KLF11: variants seen among roughly 807,000 people sequenced by gnomAD.
KLF11 encodes the protein Krueppel-like factor 11.
In KLF11, 26 loss-of-function variants were observed where a neutral mutation model predicts 29.9. The ratio of observed to expected loss-of-function variants is 0.87; its 90% CI spans 0.64 to 1.21. The LOEUF is 1.21. KLF11 is among the 50% of genes most tolerant of loss of function. The probability of loss-of-function intolerance (pLI) is 0.00; values close to 1 mark genes in which losing one functional copy is unlikely to be tolerated. For missense variants in KLF11, 778 were observed against 665.7 expected (o/e 1.17, Z -1.86); for synonymous variants, 318 against 257.4 (o/e 1.24, Z -2.25).
intron 2 of KLF11, among the ~76,000 whole-genome samples, chr2:10,046,818 G>A (rs997542380): frequency 2.6e-5 from 4 of 152,278 alleles, no homozygotes; most frequent in African/African-American, 7.2e-5. Context: ...TCGTGCCACT[G>A]CACTCCAGCC....
chr2:10,046,326 G>T lies in KLF11; in HGVS notation c.219G>T (p.Thr73=), dbSNP rs373935239. The T allele has an allele frequency of 3.1e-6, 5 of 1,614,170 alleles. No individual in the cohort carries two copies. The highest frequency in any genetic ancestry group is 1.6e-4 in the Middle Eastern group (1 of 6,062). ...ACCTGTTGCGGATAAGACCCCTCAC[G>T]CCTGTCTCTGACTCTGGGGATGTCA... ...KGDLLRIRPL[T]PVSDSGDVTT... is the part of the protein sequence containing the mutation. The change falls in exon 2 of 4, where the codon ACG becomes ACT. Residue 73 remains threonine, a synonymous_variant. Coordinates refer to ENST00000305883, the MANE Select transcript of KLF11 (RefSeq NM_003597.5).
chr2:10,052,301 C>T lies in KLF11; in HGVS notation c.1333C>T (p.Arg445Cys), dbSNP rs772681985. The T allele has an allele frequency of 3.0e-5, 48 of 1,614,018 alleles. No homozygotes were observed. The highest frequency in any genetic ancestry group is 3.9e-5 in the Non-Finnish European group (46 of 1,180,034). Residue 445 changes from arginine (R) to cysteine (C), a missense_variant, in exon 4 of 4, where the codon CGC becomes TGC. By Grantham distance (180) the Arg-to-Cys change is radical (BLOSUM62 -3). Coordinates refer to ENST00000305883, the MANE Select transcript of KLF11 (RefSeq NM_003597.5). ...TCGTTCGGATGAGCTGTCACGCCAC[C>T]GCAGAACTCACACAGGGGAGAAGAA... ...FARSDELSRH[R>C]RTHTGEKKFV... is the part of the protein sequence containing the mutation.
Position 10,046,218 on chromosome 2 carries a change from C to G in KLF11, c.111C>G (p.Cys37Trp), listed in dbSNP as rs1572437709. The change falls in exon 2 of 4, where the codon TGC becomes TGG. Residue 37 changes from cysteine (C) to tryptophan (W), a missense_variant. Cys to Trp is a radical substitution (Grantham distance 215). Coordinates refer to ENST00000305883, the MANE Select transcript of KLF11 (RefSeq NM_003597.5). Reference protein sequence around the residue: ...RKRHDSERSTCSILEQTDMEA... With the variant: ...RKRHDSERSTWSILEQTDMEA... ...GGCATGACAGCGAAAGGTCTACTTG[C>G]AGCATCTTGGAGCAGACAGACATGG... The G allele has an allele frequency of 6.2e-7, 1 of 1,614,200 alleles. No homozygotes were observed. Among genetic ancestry groups the G allele is most frequent in the Non-Finnish European group, 8.5e-7 (1 of 1,180,024 alleles).
chr2:10,043,917 GC>G, intron 1 of KLF11, 159 bp downstream of exon 1: 1 of 1,029,248 alleles, frequency 9.7e-7, no homozygotes, highest in Non-Finnish European at 1.2e-6. Context: ...CCGGAGCCGG[GC>G]GGGGCGGCGG....
rs1661263349 is a variant in KLF11, at chr2:10,047,832, C to T, written c.495C>T (p.Ser165=). ...TGCTGGGTTTGGAGCCAGTGCCCAG[C>T]TCTCCCTGCAGGGCCAAGGGGACTA... ...RGLLGLEPVP[S]SPCRAKGTSV... is the part of the protein sequence containing the mutation. The change falls in exon 3 of 4, where the codon AGC becomes AGT. Residue 165 remains serine (S), a synonymous_variant. Transcript: ENST00000305883. The T allele has an allele frequency of 1.9e-6, 3 of 1,613,804 alleles. No homozygotes were observed. Among genetic ancestry groups the T allele is most frequent in the Non-Finnish European group, 2.5e-6 (3 of 1,180,022 alleles).
At position 10,048,535 on chromosome 2, in the gene KLF11, G is replaced by C; in HGVS notation, c.1198G>C (p.Gly400Arg). Residue 400 changes from glycine to arginine, a missense_variant, in exon 3 of 4, where the codon GGT becomes CGT. Transcript: ENST00000305883. ...GAGGAACTATGTATGCAGCTTCCCA[G>C]GTTGCCGGAAGACCTACTTCAAAAG... ...RRRNYVCSFP[G>R]CRKTYFKSSH... 1 of 1,611,576 alleles carries C rather than the reference G, an allele frequency of 6.2e-7. No homozygotes were observed. Among genetic ancestry groups the C allele is most frequent in the Non-Finnish European group, 8.5e-7 (1 of 1,180,022 alleles).
At chr2:10,051,340 T>G (rs1476075130) in intron 3 of KLF11, among the ~76,000 whole-genome samples, 2 of 152,006 alleles carry the variant, frequency 1.3e-5, no homozygotes, top group African/African-American at 4.8e-5. Flanking sequence ...TCCGGAATAG[T>G]TGAGATTACA....
intron 1 of KLF11, 190 bp downstream of exon 1, chr2:10,043,948 G>T (rs978237609): frequency 4.1e-6 from 4 of 977,556 alleles, no homozygotes; most frequent in Middle Eastern, 5.0e-4. Flanking sequence ...GCGCGCCCGG[G>T]TCGGCGGGGG....
Position 10,047,645 on chromosome 2 carries a change from T to C in KLF11, c.313-5T>C. On this transcript the variant is annotated splice_region_variant and splice_polypyrimidine_tract_variant and intron_variant, in intron 2 of 3. Coordinates refer to ENST00000305883, the MANE Select transcript of KLF11 (RefSeq NM_003597.5). Reference sequence around the variant, plus strand: ...AACCTTTTAACATGGTACTTTTTTTTTTAGTGCATAACTCCTCCTCAGAGC... The same window carrying C: ...AACCTTTTAACATGGTACTTTTTTTCTTAGTGCATAACTCCTCCTCAGAGC... 6.2e-7 allele frequency: 1 copy of C among 1,611,460 alleles called. No homozygotes were observed. The highest frequency in any genetic ancestry group is 8.5e-7 in the Non-Finnish European group (1 of 1,179,038).
chr2:10,052,681 C>G lies in KLF11; in HGVS notation c.*174C>G. On this transcript the variant is annotated 3_prime_UTR_variant, in exon 4 of 4. Coordinates refer to ENST00000305883, the MANE Select transcript of KLF11 (RefSeq NM_003597.5). ...TTAACTTTTCTTTTCCACTTGGGAC[C>G]CTGTTCAGTATCTTTTGTAGTTTCA... 1 of 635,650 alleles carries G rather than the reference C, an allele frequency of 1.6e-6. No individual in the cohort carries two copies. The highest frequency in any genetic ancestry group is 2.0e-5 in the South Asian group (1 of 50,398). The allele number at this position is 635,650 out of a possible 1,614,324, so 39.4% of individuals were successfully genotyped here.
rs1229376970 is a variant in KLF11, at chr2:10,046,547, G to C, written c.312+128G>C. 1.0e-5 allele frequency: 11 copies of C among 1,050,958 alleles called. No individual in the cohort carries two copies. The East Asian group carries it at 2.7e-4, about 26-fold the overall frequency. The allele number at this position is 1,050,958 out of a possible 1,614,324, so 65.1% of individuals were successfully genotyped here. ...ATAAGTTGCGTATCCTCTCTGTGTG[G>C]GTCTGAAGGAGTAGAAACTCTTCCT... is the stretch of plus-strand genomic sequence containing the variant. On this transcript the variant is annotated intron_variant, in intron 2 of 3. Coordinates refer to ENST00000305883, the MANE Select transcript of KLF11 (RefSeq NM_003597.5).
chr2:10,047,637 C>CTT lies in KLF11; in HGVS notation c.313-4_313-3dup. On this transcript the variant is annotated splice_polypyrimidine_tract_variant and intron_variant, in intron 2 of 3. Transcript: ENST00000305883. ...TTTAAAGCAACCTTTTAACATGGTA[C>CTT]TTTTTTTTTTAGTGCATAACTCCTC... 16 of 1,278,262 alleles carry CTT rather than the reference C, an allele frequency of 1.3e-5. No homozygotes were observed. The highest frequency in any genetic ancestry group is 1.4e-5 in the Non-Finnish European group (13 of 916,946). The allele number at this position is 1,278,262 out of a possible 1,614,324, so 79.2% of individuals were successfully genotyped here.
In KLF11 at chr2:10,052,653, A is replaced by G; in HGVS notation, c.*146A>G. ...TCGGGGAGCTGGTTTTGATGAAAGTATGTTAACTTTTCTTTTCCACTTGGG... is the reference window on the plus strand; with the variant it reads ...TCGGGGAGCTGGTTTTGATGAAAGTGTGTTAACTTTTCTTTTCCACTTGGG... On this transcript the variant is annotated 3_prime_UTR_variant, in exon 4 of 4. Transcript: ENST00000305883. 1 of 781,938 alleles carries G rather than the reference A, an allele frequency of 1.3e-6. No individual in the cohort carries two copies. The highest frequency in any genetic ancestry group is 2.4e-5 in the Admixed American group (1 of 41,914). The allele number at this position is 781,938 out of a possible 1,614,324, so 48.4% of individuals were successfully genotyped here.
At chr2:10,044,384 G>A in intron 1 of KLF11, 1 of 985,666 alleles carries the variant, frequency 1.0e-6, no homozygotes, top group Non-Finnish European at 1.2e-6. Flanking sequence ...AGCCGTGGAC[G>A]TGGGCAGAGC....
At chr2:10,051,800 A>T (rs1456340003) in intron 3 of KLF11, among the ~76,000 whole-genome samples, 2 of 152,190 alleles carry the variant, frequency 1.3e-5, no homozygotes, top group Admixed American at 1.3e-4. Context: ...TACAGGCGTG[A>T]GCCACTGCGC....
intron 1 of KLF11, chr2:10,044,504 C>T: frequency 1.1e-6 from 1 of 928,950 alleles, no homozygotes; most frequent in Non-Finnish European, 1.3e-6. Context: ...TTTAGTGGCG[C>T]AGCCTGCGGG....
At chr2:10,045,812 C>G (rs1264246898) in intron 1 of KLF11, among the ~76,000 whole-genome samples, 1 of 152,228 alleles carries the variant, frequency 6.6e-6, no homozygotes, top group Non-Finnish European at 1.5e-5. Flanking sequence ...GGCAGCTGCT[C>G]CTCCTCCCAG....
rs766645601 is a variant in KLF11 at position 10,043,804 on chromosome 2, G to A, written c.42+46G>A. 45 of 1,338,968 alleles carry A rather than the reference G, an allele frequency of 3.4e-5. No homozygotes were observed. In the African/African-American group the frequency reaches 5.9e-4, roughly 18 times the overall value. The allele number at this position is 1,338,968 out of a possible 1,614,324, so 82.9% of individuals were successfully genotyped here. A position where few individuals can be genotyped will look rare whatever the true frequency, so the allele number is the denominator to read the frequency against. ...GGCGGGACTACTCGTCTGAGCGAGG[G>A]GCGAGGCGGGGGAAGTGGTGCGGCA... On this transcript the variant is annotated intron_variant, in intron 1 of 3. Coordinates refer to ENST00000305883, the MANE Select transcript of KLF11 (RefSeq NM_003597.5).
intron 1 of KLF11, among the ~76,000 whole-genome samples, chr2:10,045,501 A>G (rs1436736102): frequency 6.6e-6 from 1 of 152,136 alleles, no homozygotes; most frequent in Non-Finnish European, 1.5e-5. Context: ...TCAAAAAGAA[A>G]AAAAAAACTG....
Sources: allele counts gnomAD v4.1 joint callset (sites outside exome capture counted in the v4.1 genomes callset), GRCh38; gene constraint gnomAD v4.1.1; transcripts MANE v1.5; gene names NCBI Gene and HGNC (gene_info 2026-07-23, HGNC 2026-07-21).